BABAM2: variants seen among roughly 807,000 people sequenced by gnomAD.
BABAM2 encodes BRISC and BRCA1-A complex member 2.
A neutral mutation model predicts 54.7 loss-of-function variants in BABAM2; 31 were observed. The observed-to-expected ratio is 0.57, with a 90% confidence interval of 0.43 to 0.77. The LOEUF is 0.77. Ranked by LOEUF, BABAM2 falls within the 30% of genes least tolerant of loss-of-function variation. BABAM2 has a pLI of 0.00. For missense variants in BABAM2, 364 were observed against 455.8 expected (o/e 0.80, Z 1.83); for synonymous variants, 167 against 162.9 (o/e 1.03, Z -0.19).
chr2:27,908,159 G>C (rs1666319209), intron 2 of BABAM2, among the ~76,000 whole-genome samples: 1 of 152,176 alleles, frequency 6.6e-6, no homozygotes, highest in African/African-American at 2.4e-5. Flanking sequence ...ACATATGCAA[G>C]TTTGTTACAA....
intron 6 of BABAM2, among the ~76,000 whole-genome samples, chr2:28,062,577 A>ACC (rs1678979903): frequency 1.6e-4 from 3 of 18,788 alleles, no homozygotes; most frequent in African/African-American, 3.5e-4. Flanking sequence ...AAAAAAACCA[A>ACC]AAAAAAAAAA....
At chr2:28,171,112 A>AATATATAT (rs78174752) in intron 7 of BABAM2, among the ~76,000 whole-genome samples, 12 of 148,786 alleles carry the variant, frequency 8.1e-5, no homozygotes, top group African/African-American at 2.2e-4. Flanking sequence ...TGCTTTTTAA[A>AATATATAT]ATATATATAT....
chr2:27,904,277 C>T lies in BABAM2; in HGVS notation c.128+9593C>T, dbSNP rs553999571. ...GGTAGGCCAAGGGTAACTGAAATCA[C>T]AGAAAGCAAAACCATAGATAAGGGG... On this transcript the variant is annotated intron_variant, in intron 2 of 11. Transcript: ENST00000379624. Among the ~76,000 whole-genome samples the T allele has an allele frequency of 2.6e-5, 4 of 152,328 alleles. No individual in the cohort carries two copies. The South Asian group carries it at 8.3e-4, about 32-fold the overall frequency.
intron 6 of BABAM2, among the ~76,000 whole-genome samples, chr2:28,047,704 C>A (rs943171503): frequency 5.3e-5 from 8 of 152,162 alleles, no homozygotes; most frequent in African/African-American, 1.7e-4. Flanking sequence ...TGTTGTTTAA[C>A]CCCTGCATTA....
At chr2:27,895,581 G>T (rs1665228756) in intron 2 of BABAM2, among the ~76,000 whole-genome samples, 1 of 152,150 alleles carries the variant, frequency 6.6e-6, no homozygotes, top group African/African-American at 2.4e-5. Flanking sequence ...TGATAACTTG[G>T]TTAAGTGATC....
chr2:28,175,658 C>G (rs938009002), intron 7 of BABAM2, among the ~76,000 whole-genome samples: 2 of 152,238 alleles, frequency 1.3e-5, no homozygotes, highest in African/African-American at 4.8e-5. Flanking sequence ...AGGGTTGTCC[C>G]ACCACTGCCG....
At chr2:28,314,115 G>A (rs936543010) in intron 11 of BABAM2, among the ~76,000 whole-genome samples, 1 of 152,120 alleles carries the variant, frequency 6.6e-6, no homozygotes, top group Non-Finnish European at 1.5e-5. Flanking sequence ...TAAACAATGG[G>A]TCACCCAGTG....
intron 7 of BABAM2, among the ~76,000 whole-genome samples, chr2:28,182,122 G>A (rs1675704987): frequency 6.6e-6 from 1 of 152,150 alleles, no homozygotes; most frequent in African/African-American, 2.4e-5. Context: ...TGCTGATCAT[G>A]TAGGGCCTTA....
At chr2:28,194,975 C>T (rs1255610190) in intron 7 of BABAM2, among the ~76,000 whole-genome samples, 3 of 152,174 alleles carry the variant, frequency 2.0e-5, no homozygotes, top group Admixed American at 6.5e-5. Flanking sequence ...GGATTACAGG[C>T]GTTAGCCACC....
intron 3 of BABAM2, among the ~76,000 whole-genome samples, chr2:27,946,782 G>A (rs571840935): frequency 6.6e-6 from 1 of 152,252 alleles, no homozygotes; most frequent in African/African-American, 2.4e-5. Flanking sequence ...AACAGATATA[G>A]GGCTAACAGG....
intron 6 of BABAM2, among the ~76,000 whole-genome samples, chr2:28,055,381 A>G (rs1678321634): frequency 6.6e-6 from 1 of 152,206 alleles, no homozygotes; most frequent in South Asian, 2.1e-4. Context: ...ACACCTGTAT[A>G]ACAAACCTGC....
At chr2:27,896,856 G>T in intron 2 of BABAM2, 1 of 209,826 alleles carries the variant, frequency 4.8e-6, no homozygotes, top group Non-Finnish European at 1.0e-5. Flanking sequence ...CTTCCCAGGT[G>T]ACAGGGAGCT....
chr2:28,111,038 G>A (rs1354934684), intron 6 of BABAM2, among the ~76,000 whole-genome samples: 26 of 148,454 alleles, frequency 1.8e-4, no homozygotes, highest in Non-Finnish European at 2.8e-4. Flanking sequence ...GGGCAATCTC[G>A]GCTCACTGCA....
intron 6 of BABAM2, 91 bp downstream of exon 6, chr2:28,045,890 T>C: frequency 9.8e-7 from 1 of 1,017,062 alleles, no homozygotes; most frequent in Non-Finnish European, 1.4e-6. Flanking sequence ...TTGTCAGCAT[T>C]TTGTTCAGAT....
At chr2:27,912,456 A>G (rs1666670262) in intron 2 of BABAM2, among the ~76,000 whole-genome samples, 2 of 152,140 alleles carry the variant, frequency 1.3e-5, no homozygotes, top group Non-Finnish European at 2.9e-5. Flanking sequence ...GGTTTTTATA[A>G]ATATGTTTAT....
chr2:28,172,696 A>G (rs185896013), intron 7 of BABAM2, among the ~76,000 whole-genome samples: 131 of 152,338 alleles, frequency 8.6e-4, no homozygotes, highest in Non-Finnish European at 1.6e-3. Context: ...GGGACGAACG[A>G]GTATTCCTGT....
intron 10 of BABAM2, among the ~76,000 whole-genome samples, chr2:28,284,996 TAG>T (rs1331012965): frequency 6.6e-6 from 1 of 152,050 alleles, no homozygotes; most frequent in Non-Finnish European, 1.5e-5. Flanking sequence ...AACCTAGACT[TAG>T]AGAGTATAGT....
intron 11 of BABAM2, chr2:28,310,054 A>G: frequency 1.2e-6 from 2 of 1,610,574 alleles, no homozygotes; most frequent in Non-Finnish European, 1.7e-6. Context: ...AAGTATCTTA[A>G]AGGGATTTGG....
intron 3 of BABAM2, among the ~76,000 whole-genome samples, chr2:27,959,279 C>T (rs530527709): frequency 5.7e-4 from 87 of 152,292 alleles, no homozygotes; most frequent in African/African-American, 2.1e-3. Flanking sequence ...AAGTTTTAGA[C>T]AGACAGTTTT....
Sources: gnomAD v4.1 joint callset for allele counts (sites outside exome capture counted in the v4.1 genomes callset) on GRCh38, gnomAD v4.1.1 for gene constraint, MANE v1.5 for transcripts, NCBI Gene and HGNC (gene_info 2026-07-23, HGNC 2026-07-21) for gene names.